Variants in CCDC126 observed in about 807,000 individuals in gnomAD.
CCDC126 encodes coiled-coil domain containing 126.
Under a neutral mutation model 11.7 loss-of-function variants are expected in CCDC126, and 5 were observed. That is an observed-to-expected ratio of 0.43 (90% CI 0.22 to 0.90). The LOEUF is 0.90. Among genes scored for constraint, CCDC126 ranks in the 40% least tolerant of loss-of-function variants. The pLI is 0.27. For missense variants in CCDC126, 150 were observed against 163.1 expected (o/e 0.92, Z 0.44); for synonymous variants, 60 against 61.9 (o/e 0.97, Z 0.14).
intron 3 of CCDC126, among the ~76,000 whole-genome samples, chr7:23,612,707 A>C (rs1348353930): frequency 6.6e-6 from 1 of 152,098 alleles, no homozygotes; most frequent in African/African-American, 2.4e-5. Context: ...CTTCTTGGAC[A>C]TAATACAATA....
intron 3 of CCDC126, among the ~76,000 whole-genome samples, chr7:23,616,136 G>A (rs1782790966): frequency 6.6e-6 from 1 of 152,148 alleles, no homozygotes; most frequent in East Asian, 1.9e-4. Flanking sequence ...ATCGATTTTT[G>A]CTTCTTTGCC....
rs142604754 is a variant in CCDC126, at chr7:23,610,436, A to G, written c.-145-735A>G. Reference sequence around the variant, plus strand: ...CCTATGTTGATCAGACTGGTCTCAAACTCCTGGGCTCTAGGGATACTCCCA... The same window carrying G: ...CCTATGTTGATCAGACTGGTCTCAAGCTCCTGGGCTCTAGGGATACTCCCA... On this transcript the variant is annotated intron_variant, in intron 2 of 3. Coordinates refer to ENST00000307471, the MANE Select transcript of CCDC126 (RefSeq NM_138771.4). Among the ~76,000 whole-genome samples, 1,192 of 151,786 alleles carry G rather than the reference A, an allele frequency of 7.9e-3. 15 individuals carry two copies. The highest frequency in any genetic ancestry group is 0.028 in the African/African-American group (1,142 of 41,374).
At position 23,615,285 on chromosome 7, in the gene CCDC126, A is replaced by G. The variant is rs572800688; in HGVS notation, c.238+3732A>G. On this transcript the variant is annotated intron_variant, in intron 3 of 3. Coordinates refer to ENST00000307471, the MANE Select transcript of CCDC126 (RefSeq NM_138771.4). ...CAAAAGCAACCTCTGCTAGCTTCCA[A>G]CTCTTCTTCTGCAGGTTCCTAACCT... is the stretch of plus-strand genomic sequence containing the variant. Among the ~76,000 whole-genome samples, 7 of 152,222 alleles carry G rather than the reference A, an allele frequency of 4.6e-5. 1 individual carries two copies. The highest frequency in any genetic ancestry group is 2.1e-4 in the South Asian group (1 of 4,822).
At chr7:23,638,678 T>A in intron 3 of CCDC126, among the ~76,000 whole-genome samples, 1 of 71,434 alleles carries the variant, frequency 1.4e-5, no homozygotes, top group Non-Finnish European at 2.5e-5. Flanking sequence ...CCCTGCCAAA[T>A]CCCCCTCTGC....
intron 2 of CCDC126, among the ~76,000 whole-genome samples, chr7:23,605,399 TTG>T (rs3219575): frequency 0.039 from 5,772 of 148,830 alleles, 139 homozygotes; most frequent in East Asian, 0.12. Context: ...TGTGATATGC[TTG>T]TGTGTGTGTG....
chr7:23,631,497 T>G (rs1466658627), intron 3 of CCDC126, among the ~76,000 whole-genome samples: 1 of 152,172 alleles, frequency 6.6e-6, no homozygotes, highest in Admixed American at 6.5e-5. Flanking sequence ...CCAAGTGCGG[T>G]GGCTCACGTC....
In CCDC126 at chr7:23,611,290, A is replaced by C. The variant is rs1406234336; in HGVS notation, c.-26A>C. 2.1e-6 allele frequency: 3 copies of C among 1,446,334 alleles called. No individual in the cohort carries two copies. Among genetic ancestry groups the C allele is most frequent in the Non-Finnish European group, 2.9e-6 (3 of 1,030,568 alleles). The allele number at this position is 1,446,334 out of a possible 1,614,324, so 89.6% of individuals were successfully genotyped here. A position where few individuals can be genotyped will look rare whatever the true frequency, so the allele number is the denominator to read the frequency against. On this transcript the variant is annotated 5_prime_UTR_variant, in exon 3 of 4. Coordinates refer to ENST00000307471, the MANE Select transcript of CCDC126 (RefSeq NM_138771.4). ...TACCTCAAGTTACCATTTTTCAGTC[A>C]AGTCTGTTTGTTTGCTTCTTCAGAA... is the stretch of plus-strand genomic sequence containing the variant.
chr7:23,604,449 C>G (rs1296235886), intron 2 of CCDC126, among the ~76,000 whole-genome samples: 36 of 152,120 alleles, frequency 2.4e-4, no homozygotes, highest in Admixed American at 2.4e-3. Flanking sequence ...GAGAGCTAAT[C>G]AGGAGTTTTA....
In CCDC126 at chr7:23,617,145, C is replaced by T. The variant is rs368303858; in HGVS notation, c.238+5592C>T. 2.7e-3 allele frequency among the ~76,000 whole-genome samples: 413 copies of T among 151,698 alleles called. 2 individuals carry two copies. The highest frequency in any genetic ancestry group is 9.4e-3 in the African/African-American group (389 of 41,360). On this transcript the variant is annotated intron_variant, in intron 3 of 3. Transcript: ENST00000307471. ...GGTGGGTCACTTGACGTTAGGAGTT[C>T]GAGACCAGCCTGGCCGACATGGTGA...
chr7:23,610,216 A>G (rs992329269), intron 2 of CCDC126, among the ~76,000 whole-genome samples: 8 of 152,034 alleles, frequency 5.3e-5, no homozygotes, highest in Non-Finnish European at 1.2e-4. Flanking sequence ...TTGTTTGTTT[A>G]TTTATTTGTT....
At chr7:23,639,805 A>G (rs970229984) in intron 3 of CCDC126, among the ~76,000 whole-genome samples, 11 of 152,182 alleles carry the variant, frequency 7.2e-5, no homozygotes, top group East Asian at 1.9e-4. Flanking sequence ...CCACTACGGT[A>G]GTACTACTCC....
At chr7:23,604,816 G>A (rs1301676212) in intron 2 of CCDC126, among the ~76,000 whole-genome samples, 1 of 151,994 alleles carries the variant, frequency 6.6e-6, no homozygotes, top group Non-Finnish European at 1.5e-5. Flanking sequence ...CTAACATGGT[G>A]AAACCCCGTC....
chr7:23,622,523 A>T (rs894678486), intron 3 of CCDC126: 6 of 509,626 alleles, frequency 1.2e-5, no homozygotes, highest in Non-Finnish European at 2.0e-5. Flanking sequence ...AGTGCAGTCA[A>T]CGATGGACTG....
intron 3 of CCDC126, among the ~76,000 whole-genome samples, chr7:23,642,391 G>A (rs1783378156): frequency 6.6e-6 from 1 of 151,998 alleles, no homozygotes; most frequent in Non-Finnish European, 1.5e-5. Flanking sequence ...CCATTATATC[G>A]CACTAGAAAA....
intron 2 of CCDC126, among the ~76,000 whole-genome samples, chr7:23,610,384 A>T (rs997452733): frequency 6.6e-6 from 1 of 151,900 alleles, no homozygotes; most frequent in Non-Finnish European, 1.5e-5. Context: ...GCTAATTTTT[A>T]AAATTTTTGT....
chr7:23,607,038 G>T (rs529938849), intron 2 of CCDC126, among the ~76,000 whole-genome samples: 1 of 152,312 alleles, frequency 6.6e-6, no homozygotes, highest in East Asian at 1.9e-4. Context: ...GGCCGAGGCT[G>T]CAGTGAGCTG....
At chr7:23,629,530 G>A (rs1783071403) in intron 3 of CCDC126, among the ~76,000 whole-genome samples, 1 of 151,994 alleles carries the variant, frequency 6.6e-6, no homozygotes, top group South Asian at 2.1e-4. Context: ...TTTTAAAGCT[G>A]CTATGATAAA....
At position 23,610,412 on chromosome 7, in the gene CCDC126, C is replaced by A. The variant is rs551824577; in HGVS notation, c.-145-759C>A. 5.3e-5 allele frequency among the ~76,000 whole-genome samples: 8 copies of A among 152,136 alleles called. No individual in the cohort carries two copies. In the South Asian group the frequency reaches 1.7e-3, roughly 32 times the overall value. On this transcript the variant is annotated intron_variant, in intron 2 of 3. Transcript: ENST00000307471. ...ATTTTTGTATAGAGATGAGGTCTTC[C>A]TATGTTGATCAGACTGGTCTCAAAC...
In CCDC126 at chr7:23,618,424, A is replaced by G. The variant is rs551104996; in HGVS notation, c.238+6871A>G. 3.9e-5 allele frequency among the ~76,000 whole-genome samples: 6 copies of G among 152,270 alleles called. No homozygotes were observed. In the South Asian group the frequency reaches 1.2e-3, roughly 32 times the overall value. ...CACTCTGAGTTGCCTCCTTAAGGTA[A>G]ACTAACAGATGTGGTCCCAGGGGCC... On this transcript the variant is annotated intron_variant, in intron 3 of 3. Coordinates refer to ENST00000307471, the MANE Select transcript of CCDC126 (RefSeq NM_138771.4).
Sources: allele counts gnomAD v4.1 joint callset (sites outside exome capture counted in the v4.1 genomes callset), GRCh38; gene constraint gnomAD v4.1.1; transcripts MANE v1.5; gene names NCBI Gene and HGNC (gene_info 2026-07-23, HGNC 2026-07-21).